NWD1: variants seen among roughly 807,000 people sequenced by gnomAD.
NWD1 encodes NACHT and WD repeat domain containing 1, also known as NACHT domain- and WD repeat-containing protein 1.
In NWD1, 129 loss-of-function variants were observed where a neutral mutation model predicts 135.1. The ratio of observed to expected loss-of-function variants is 0.96; its 90% CI spans 0.83 to 1.11. The LOEUF is 1.11. Ranked by LOEUF, NWD1 falls within the 50% of genes least tolerant of loss-of-function variation. The probability of loss-of-function intolerance (pLI) is 0.00; values close to 1 mark genes in which losing one functional copy is unlikely to be tolerated. For missense variants in NWD1, 1,740 were observed against 1,851.3 expected (o/e 0.94, Z 1.10); for synonymous variants, 773 against 786.0 (o/e 0.98, Z 0.28).
chr19:16,749,161 G>T lies in NWD1; in HGVS notation c.519G>T (p.Arg173=). ...CAGTCATTGAGTGGGAGATAGAGCG[G>T]AGCCTGCTGAGCTCAGAGGACCGGG... ...HRSVIEWEIE[R]SLLSSEDREQ... is the part of the protein sequence containing the mutation. Residue 173 remains arginine, a synonymous_variant, in exon 6 of 19, where the codon CGG becomes CGT. Coordinates refer to ENST00000524140, the MANE Select transcript of NWD1 (RefSeq NM_001007525.5). 1 of 1,608,548 alleles carries T rather than the reference G, an allele frequency of 6.2e-7. No homozygotes were observed.
chr19:16,787,198 C>T (rs1179570499), intron 12 of NWD1, among the ~76,000 whole-genome samples: 1 of 152,000 alleles, frequency 6.6e-6, no homozygotes, highest in Admixed American at 6.6e-5. Flanking sequence ...GTGATCATAG[C>T]TCACTCCAGC....
intron 12 of NWD1, among the ~76,000 whole-genome samples, chr19:16,784,665 T>C (rs747918339): frequency 1.4e-4 from 21 of 151,986 alleles, no homozygotes; most frequent in Non-Finnish European, 2.5e-4. Flanking sequence ...GCGCGGTGGC[T>C]CACGCCTGTA....
rs1213366868 is a variant in NWD1, at chr19:16,800,174, A to T, written c.3736+12A>T. 1 of 1,592,124 alleles carries T rather than the reference A, an allele frequency of 6.3e-7. No homozygotes were observed. ...GGACTTGGCAGAAGGTTGGTAAGGT[A>T]TAAGTATGGTCATTTTTGTGGGTAA... On this transcript the variant is annotated intron_variant, in intron 17 of 18. Transcript: ENST00000524140.
At chr19:16,775,465 C>T (rs1269214553) in intron 11 of NWD1, among the ~76,000 whole-genome samples, 4 of 152,036 alleles carry the variant, frequency 2.6e-5, no homozygotes, top group Admixed American at 6.6e-5. Context: ...GGGCTGTCCT[C>T]GTTGGCCCAA....
intron 4 of NWD1, among the ~76,000 whole-genome samples, chr19:16,739,243 G>A (rs752635761): frequency 6.5e-5 from 9 of 137,678 alleles, no homozygotes; most frequent in Non-Finnish European, 1.2e-4. Context: ...CTGTAATCCC[G>A]CACTTCAGGA....
At chr19:16,772,544 G>C (rs1311427207) in intron 10 of NWD1, among the ~76,000 whole-genome samples, 1 of 152,160 alleles carries the variant, frequency 6.6e-6, no homozygotes, top group African/African-American at 2.4e-5. Flanking sequence ...TATTAGGGAG[G>C]CTGAGGCAGG....
chr19:16,759,174 A>G, intron 6 of NWD1, 51 bp from the exon 7 acceptor site: 1 of 1,462,250 alleles, frequency 6.8e-7, no homozygotes, highest in Non-Finnish European at 9.6e-7. Flanking sequence ...GCATCCTCCA[A>G]ATGCAGAAGA....
chr19:16,768,000 T>C (rs1346370660), intron 10 of NWD1, among the ~76,000 whole-genome samples: 3 of 138,188 alleles, frequency 2.2e-5, no homozygotes, highest in Non-Finnish European at 4.7e-5. Flanking sequence ...TTTTTTTTTT[T>C]TTTTTTTGCA....
At chr19:16,813,349 C>T (rs1049063134) in intron 18 of NWD1, among the ~76,000 whole-genome samples, 10 of 152,164 alleles carry the variant, frequency 6.6e-5, no homozygotes, top group African/African-American at 2.2e-4. Context: ...TATAAGAGGA[C>T]ACAGCATATT....
intron 1 of NWD1, among the ~76,000 whole-genome samples, chr19:16,723,541 T>C (rs764561704): frequency 3.9e-5 from 6 of 152,012 alleles, no homozygotes; most frequent in Admixed American, 2.6e-4. Context: ...CTTGAACTCC[T>C]GGGCTCAAGC....
chr19:16,802,464 A>T (rs1233960979), intron 17 of NWD1, among the ~76,000 whole-genome samples: 9 of 47,524 alleles, frequency 1.9e-4, no homozygotes, highest in South Asian at 5.4e-4. Flanking sequence ...TATCTCAATT[A>T]AAAAAAAAAA....
intron 4 of NWD1, among the ~76,000 whole-genome samples, chr19:16,738,789 A>ATGT (rs1967953759): frequency 8.4e-6 from 1 of 119,510 alleles, no homozygotes. Context: ...TATAATATAT[A>ATGT]ATAACATATA....
rs1315811668 is a variant in NWD1 at position 16,800,263 on chromosome 19, A to G, written c.3736+101A>G. ...AAATCATCCCCACAGGCTGGGCCCCATGGCTCACGCCTGTAATCCCAGGAC... is the reference window on the plus strand; with the variant it reads ...AAATCATCCCCACAGGCTGGGCCCCGTGGCTCACGCCTGTAATCCCAGGAC... On this transcript the variant is annotated intron_variant, in intron 17 of 18. Transcript: ENST00000524140. 5.0e-6 allele frequency: 6 copies of G among 1,210,412 alleles called. No homozygotes were observed. In the African/African-American group the frequency reaches 7.6e-5, roughly 15 times the overall value. 75.0% of individuals were successfully genotyped at this position (1,210,412 alleles called of 1,614,324 possible).
chr19:16,726,937 A>G (rs928046866), intron 2 of NWD1, among the ~76,000 whole-genome samples: 5 of 148,326 alleles, frequency 3.4e-5, no homozygotes, highest in East Asian at 2.1e-4. Context: ...ATGGTCCCCA[A>G]GTGAGAACTG....
At position 16,748,456 on chromosome 19, in the gene NWD1, A is replaced by G. The variant is rs914765777; in HGVS notation, c.497-683A>G. 1.4e-4 allele frequency among the ~76,000 whole-genome samples: 21 copies of G among 152,064 alleles called. No individual in the cohort carries two copies. The East Asian group carries it at 4.0e-3, about 29-fold the overall frequency. ...CTCCATGTTTCACTTTTTGAGGATG[A>G]CAGCATTGTTTTACAGTGTGACTGC... On this transcript the variant is annotated intron_variant, in intron 5 of 18. Coordinates refer to ENST00000524140, the MANE Select transcript of NWD1 (RefSeq NM_001007525.5).
At chr19:16,763,695 G>A in intron 8 of NWD1, 133 bp from the exon 9 acceptor site, 1 of 663,604 alleles carries the variant, frequency 1.5e-6, no homozygotes. Flanking sequence ...GGGCACATGG[G>A]GGTATGTCTG....
intron 5 of NWD1, 199 bp downstream of exon 5, chr19:16,744,917 C>G (rs187650121): frequency 1.1e-4 from 75 of 656,624 alleles, no homozygotes; most frequent in African/African-American, 1.1e-3. Flanking sequence ...CAATCTTGGT[C>G]TCAGGATCTT....
intron 1 of NWD1, among the ~76,000 whole-genome samples, chr19:16,723,093 G>T (rs1290234162): frequency 6.6e-6 from 1 of 151,998 alleles, no homozygotes; most frequent in Non-Finnish European, 1.5e-5. Flanking sequence ...TCTCTCTGTT[G>T]CCCAGTGGTG....
intron 16 of NWD1, among the ~76,000 whole-genome samples, chr19:16,798,531 A>T (rs910027853): frequency 5.3e-5 from 8 of 152,184 alleles, no homozygotes; most frequent in Non-Finnish European, 1.2e-4. Flanking sequence ...GGATCACATG[A>T]GCCTGGGAGG....
Sources: allele counts gnomAD v4.1 joint callset (sites outside exome capture counted in the v4.1 genomes callset), GRCh38; gene constraint gnomAD v4.1.1; transcripts MANE v1.5; gene names NCBI Gene and HGNC (gene_info 2026-07-23, HGNC 2026-07-21).